PPFIA2: variants seen among roughly 807,000 people sequenced by gnomAD.
PPFIA2 encodes liprin-alpha-2.
A neutral mutation model predicts 175.5 loss-of-function variants in PPFIA2; 46 were observed. The ratio of observed to expected loss-of-function variants is 0.26; its 90% CI spans 0.21 to 0.34. The LOEUF (loss-of-function observed/expected upper bound fraction) is 0.34. PPFIA2 is among the 10% of genes least tolerant of loss of function. The pLI, the probability that PPFIA2 is intolerant of heterozygous loss-of-function variation, is 1.00. For synonymous variants in PPFIA2, 568 were observed against 511.4 expected, an observed-to-expected ratio of 1.11 and a Z score of -1.49; for missense variants, 1,179 against 1,506.1, an observed-to-expected ratio of 0.78 and a Z score of 3.60.
intron 7 of PPFIA2, among the ~76,000 whole-genome samples, chr12:81,421,927 T>C (rs971185368): frequency 6.6e-6 from 1 of 151,716 alleles, no homozygotes. Flanking sequence ...TGAAAAGTTA[T>C]GCCATGCAAA....
chr12:81,329,466 CA>C (rs2055620622), intron 21 of PPFIA2, among the ~76,000 whole-genome samples: 1 of 152,044 alleles, frequency 6.6e-6, no homozygotes, highest in Non-Finnish European at 1.5e-5. Context: ...GTGACAGGCA[CA>C]GTCAAGGATT....
At chr12:81,269,664 T>TAAGAAG (rs2038487281) in intron 28 of PPFIA2, among the ~76,000 whole-genome samples, 2 of 152,314 alleles carry the variant, frequency 1.3e-5, no homozygotes, top group Non-Finnish European at 1.5e-5. Flanking sequence ...TCTGACTTCT[T>TAAGAAG]TCATTACAGA....
intron 3 of PPFIA2, among the ~76,000 whole-genome samples, chr12:81,740,993 T>G (rs1203298831): frequency 3.9e-5 from 6 of 152,202 alleles, no homozygotes; most frequent in Admixed American, 2.6e-4. Flanking sequence ...ACACTTTTTT[T>G]TGTGTCAAAA....
At chr12:81,378,488 A>C (rs1027543379) in intron 9 of PPFIA2, among the ~76,000 whole-genome samples, 6 of 152,234 alleles carry the variant, frequency 3.9e-5, no homozygotes, top group Non-Finnish European at 7.3e-5. Flanking sequence ...CCTAGATTTT[A>C]GATATCCTAA....
chr12:81,383,322 A>T (rs145279290), intron 9 of PPFIA2, among the ~76,000 whole-genome samples: 195 of 152,256 alleles, frequency 1.3e-3, no homozygotes, highest in Non-Finnish European at 2.4e-3. Context: ...ATTTCCACAA[A>T]TATAATTTTC....
At chr12:81,566,530 C>CAAAAAAAAAA (rs3075452) in intron 4 of PPFIA2, among the ~76,000 whole-genome samples, 327 of 68,056 alleles carry the variant, frequency 4.8e-3, no homozygotes, top group Non-Finnish European at 5.8e-3. Flanking sequence ...GACTCCAACT[C>CAAAAAAAAAA]AAAAAAAAAA....
chr12:81,379,139 G>C (rs1036015722), intron 9 of PPFIA2, among the ~76,000 whole-genome samples: 1 of 152,032 alleles, frequency 6.6e-6, no homozygotes, highest in Non-Finnish European at 1.5e-5. Flanking sequence ...TTTAACTGCA[G>C]GCTGTGTTGC....
At chr12:81,742,739 C>T (rs2082478136) in intron 3 of PPFIA2, among the ~76,000 whole-genome samples, 1 of 151,998 alleles carries the variant, frequency 6.6e-6, no homozygotes, top group African/African-American at 2.4e-5. Flanking sequence ...AGGATCCTGG[C>T]CCTGGAGTAA....
At chr12:81,295,894 G>A (rs2046324020) in intron 23 of PPFIA2, among the ~76,000 whole-genome samples, 1 of 152,166 alleles carries the variant, frequency 6.6e-6, no homozygotes, top group South Asian at 2.1e-4. Context: ...GGAGGCTGAG[G>A]CAGGAGAATC....
At chr12:81,331,963 C>T (rs890973157) in intron 21 of PPFIA2, among the ~76,000 whole-genome samples, 25 of 152,196 alleles carry the variant, frequency 1.6e-4, no homozygotes, top group African/African-American at 5.3e-4. Context: ...GTTGGTGTTT[C>T]TCAGGTGGCA....
chr12:81,320,605 C>A (rs374751690), intron 22 of PPFIA2, among the ~76,000 whole-genome samples: 1 of 151,478 alleles, frequency 6.6e-6, no homozygotes, highest in East Asian at 1.9e-4. Flanking sequence ...ACTTAAGTTA[C>A]AAAATAGAGA....
intron 7 of PPFIA2, among the ~76,000 whole-genome samples, chr12:81,420,409 C>T (rs1461279579): frequency 6.6e-6 from 1 of 151,740 alleles, no homozygotes; most frequent in Non-Finnish European, 1.5e-5. Context: ...TACAAGCAAA[C>T]ACAGATACAC....
chr12:81,312,058 T>G (rs969545338), intron 22 of PPFIA2: 10 of 1,118,114 alleles, frequency 8.9e-6, no homozygotes, highest in Non-Finnish European at 1.2e-5. Flanking sequence ...TCAGAGGCAG[T>G]GCAGCTTGTG....
At chr12:81,693,672 G>C (rs2075531135) in intron 3 of PPFIA2, among the ~76,000 whole-genome samples, 1 of 152,128 alleles carries the variant, frequency 6.6e-6, no homozygotes, top group Non-Finnish European at 1.5e-5. Flanking sequence ...TGTGTAACTG[G>C]GTAACGGGCA....
At chr12:81,322,573 T>G (rs1019873695) in intron 22 of PPFIA2, among the ~76,000 whole-genome samples, 3 of 152,026 alleles carry the variant, frequency 2.0e-5, no homozygotes, top group Non-Finnish European at 2.9e-5. Context: ...ACAAGCTGAG[T>G]TTTAGTTTGA....
chr12:81,447,517 T>C (rs1273861337), intron 5 of PPFIA2, among the ~76,000 whole-genome samples: 1 of 152,170 alleles, frequency 6.6e-6, no homozygotes, highest in Non-Finnish European at 1.5e-5. Flanking sequence ...TTAAACATCA[T>C]CTCTCAACAA....
chr12:81,272,414 G>A (rs921807556), intron 28 of PPFIA2, among the ~76,000 whole-genome samples: 1 of 152,090 alleles, frequency 6.6e-6, no homozygotes, highest in African/African-American at 2.4e-5. Context: ...TGGGCTAGAT[G>A]TTTTCAAGTG....
At chr12:81,620,972 T>A (rs1002079518) in intron 4 of PPFIA2, among the ~76,000 whole-genome samples, 2 of 152,174 alleles carry the variant, frequency 1.3e-5, no homozygotes, top group African/African-American at 4.8e-5. Context: ...TATGAATTGG[T>A]GTGGAATGAA....
At chr12:81,555,976 T>A (rs2068788063) in intron 4 of PPFIA2, among the ~76,000 whole-genome samples, 1 of 151,936 alleles carries the variant, frequency 6.6e-6, no homozygotes, top group African/African-American at 2.4e-5. Flanking sequence ...TTTCATCCTC[T>A]AAATTAAGTG....
Sources: gnomAD v4.1 joint callset for allele counts (sites outside exome capture counted in the v4.1 genomes callset) on GRCh38, gnomAD v4.1.1 for gene constraint, MANE v1.5 for transcripts, NCBI Gene and HGNC (gene_info 2026-07-23, HGNC 2026-07-21) for gene names.